Variants in GLMN observed in about 807,000 individuals in gnomAD.
GLMN encodes glomulin, FKBP associated protein, also known as glomulin.
In GLMN, 75 loss-of-function variants were observed where a neutral mutation model predicts 87.8. The observed-to-expected ratio is 0.85, with a 90% CI of 0.71 to 1.04. The LOEUF (loss-of-function observed/expected upper bound fraction) is 1.04, where lower values mean the gene tolerates loss of function less well. GLMN is among the 50% of genes least tolerant of loss of function. The pLI is 0.00. For synonymous variants in GLMN, 206 were observed against 221.6 expected (o/e 0.93, Z 0.63); for missense variants, 588 against 658.8 (o/e 0.89, Z 1.18).
At chr1:92,306,041 T>G in the GLMN span, among the ~76,000 whole-genome samples, 1 of 152,138 alleles carries the variant, frequency 6.6e-6, no homozygotes, top group Non-Finnish European at 1.5e-5. Flanking sequence ...AATATTAGCC[T>G]TTAAAAAAAG....
chr1:92,350,193 A>G, the GLMN span, among the ~76,000 whole-genome samples: 25 of 152,354 alleles, frequency 1.6e-4, no homozygotes, highest in South Asian at 8.3e-4. Context: ...TGGTTACCCA[A>G]GAGCACATGG....
chr1:92,247,190 C>A, intron 17 of GLMN, 46 bp from the exon 18 acceptor site: 1 of 907,160 alleles, frequency 1.1e-6, no homozygotes, highest in South Asian at 1.3e-5. Context: ...TCTCAGATTT[C>A]AATAACAAAG....
At chr1:92,257,003 ACC>A (rs1249817497) in intron 16 of GLMN, among the ~76,000 whole-genome samples, 1 of 152,100 alleles carries the variant, frequency 6.6e-6, no homozygotes, top group African/African-American at 2.4e-5. Flanking sequence ...TATTTAGAAA[ACC>A]CCATCATCCC....
intron 8 of GLMN, among the ~76,000 whole-genome samples, chr1:92,271,121 C>T (rs2100926236): frequency 6.6e-6 from 1 of 152,244 alleles, no homozygotes; most frequent in South Asian, 2.1e-4. Flanking sequence ...ATATATAAAT[C>T]CACTCAGGAT....
chr1:92,342,797 T>A, the GLMN span, among the ~76,000 whole-genome samples: 1 of 152,126 alleles, frequency 6.6e-6, no homozygotes, highest in Admixed American at 6.5e-5. Context: ...ATTTGTGGCC[T>A]GAGCAACTGG....
At chr1:92,306,589 C>T in the GLMN span, among the ~76,000 whole-genome samples, 17 of 152,020 alleles carry the variant, frequency 1.1e-4, no homozygotes, top group African/African-American at 2.2e-4. Context: ...TGGCTAGGTA[C>T]GGTGGCTCAC....
chr1:92,345,959 C>A, the GLMN span: 1 of 1,319,462 alleles, frequency 7.6e-7, no homozygotes. Context: ...AAATGTGAAG[C>A]ATATTGATTA....
At chr1:92,278,061 C>T (rs188481396) in intron 7 of GLMN, among the ~76,000 whole-genome samples, 1 of 152,180 alleles carries the variant, frequency 6.6e-6, no homozygotes, top group East Asian at 1.9e-4. Flanking sequence ...AGAGGACACC[C>T]AATTGGTGTC....
chr1:92,300,189 T>A, upstream of GLMN: 1 of 1,602,236 alleles, frequency 6.2e-7, no homozygotes, highest in East Asian at 2.2e-5. Flanking sequence ...GTATTTTTAT[T>A]GTAGGTACTA....
At chr1:92,313,623 T>C in the GLMN span, among the ~76,000 whole-genome samples, 2 of 152,132 alleles carry the variant, frequency 1.3e-5, no homozygotes, top group Non-Finnish European at 2.9e-5. Context: ...AAGCATTGGC[T>C]TCAACTTAAA....
chr1:92,279,746 C>T (rs955306760), intron 7 of GLMN, among the ~76,000 whole-genome samples: 1 of 152,230 alleles, frequency 6.6e-6, no homozygotes, highest in South Asian at 2.1e-4. Flanking sequence ...CAGTACACTC[C>T]TGACCAAATA....
intron 16 of GLMN, among the ~76,000 whole-genome samples, chr1:92,262,566 C>T (rs561166340): frequency 1.9e-3 from 284 of 152,284 alleles, no homozygotes; most frequent in African/African-American, 6.4e-3. Flanking sequence ...ACCATATGTA[C>T]GTTGAGCTCC....
At chr1:92,260,215 GGAC>G (rs1327215872) in intron 16 of GLMN, among the ~76,000 whole-genome samples, 10 of 152,250 alleles carry the variant, frequency 6.6e-5, no homozygotes, top group African/African-American at 1.9e-4. Context: ...CTGCCAGCTT[GGAC>G]TGGGTTTTTG....
At chr1:92,262,692 G>A (rs1010172938) in intron 16 of GLMN, among the ~76,000 whole-genome samples, 171 bp downstream of exon 16, 1 of 152,358 alleles carries the variant, frequency 6.6e-6, no homozygotes, top group Non-Finnish European at 1.5e-5. Context: ...TGGATGTGGG[G>A]TGGTAAATGC....
chr1:92,272,218 C>A (rs1656311531), intron 7 of GLMN, among the ~76,000 whole-genome samples: 2 of 152,220 alleles, frequency 1.3e-5, no homozygotes, highest in Non-Finnish European at 2.9e-5. Flanking sequence ...AGACTACAGA[C>A]CCAGTCAACA....
At chr1:92,314,437 T>C in the GLMN span, among the ~76,000 whole-genome samples, 1 of 151,862 alleles carries the variant, frequency 6.6e-6, no homozygotes, top group Non-Finnish European at 1.5e-5. Context: ...GCAATTGAAA[T>C]GGATCTCACA....
chr1:92,297,356 A>G, intron 3 of GLMN, 48 bp downstream of exon 3: 1 of 1,604,620 alleles, frequency 6.2e-7, no homozygotes, highest in Non-Finnish European at 8.5e-7. Context: ...GCATCATGTG[A>G]TTATTCTCTT....
chr1:92,370,262 AATATTT>A, the GLMN span, among the ~76,000 whole-genome samples: 1 of 152,188 alleles, frequency 6.6e-6, no homozygotes, highest in African/African-American at 2.4e-5. Flanking sequence ...CAGTTTGGAC[AATATTT>A]ATATTATGGG....
At chr1:92,328,908 A>C in the GLMN span, among the ~76,000 whole-genome samples, 5 of 151,892 alleles carry the variant, frequency 3.3e-5, no homozygotes, top group East Asian at 9.7e-4. Context: ...AGTGATTGTT[A>C]TTGTTCTTGT....
Sources: gnomAD v4.1 joint callset for allele counts (sites outside exome capture counted in the v4.1 genomes callset) on GRCh38, gnomAD v4.1.1 for gene constraint, MANE v1.5 for transcripts, NCBI Gene and HGNC (gene_info 2026-07-23, HGNC 2026-07-21) for gene names.